The following PLA2G4D variants were observed in gnomAD, a reference collection of about 807,000 sequenced individuals.
The protein encoded by PLA2G4D is cytosolic phospholipase A2 delta.
PLA2G4D carries 80 observed loss-of-function variants against 94.4 expected under a neutral mutation model. The ratio of observed to expected loss-of-function variants is 0.85; its 90% CI spans 0.71 to 1.02. The LOEUF (loss-of-function observed/expected upper bound fraction) is 1.02, where lower values mean the gene tolerates loss of function less well. Ranked by LOEUF, PLA2G4D falls within the 50% of genes least tolerant of loss-of-function variation. The pLI is 0.00. For missense variants in PLA2G4D, 1,050 were observed against 1,034.7 expected (o/e 1.01, Z -0.20); for synonymous variants, 438 against 440.9 (o/e 0.99, Z 0.08).
Position 42,086,194 on chromosome 15 carries a change from T to TGGGGGGGGGGGGGGC in PLA2G4D, c.387+18_387+19insGCCCCCCCCCCCCCC. ...GGAAGAAGTGGGGCCCACGGGGACT[T>TGGGGGGGGGGGGGGC]CCCCACCCACCCACCCACCTGGGGA... On this transcript the variant is annotated intron_variant, in intron 4 of 19. Coordinates refer to ENST00000290472, the MANE Select transcript of PLA2G4D (RefSeq NM_178034.4). 105 of 1,370,336 alleles carry TGGGGGGGGGGGGGGC rather than the reference T, an allele frequency of 7.7e-5. No individual in the cohort carries two copies. The highest frequency in any genetic ancestry group is 8.8e-5 in the Non-Finnish European group (92 of 1,042,984). 84.9% of individuals were successfully genotyped at this position (1,370,336 alleles called of 1,614,324 possible). A position where few individuals can be genotyped will look rare whatever the true frequency, so the allele number is the denominator to read the frequency against.
intron 13 of PLA2G4D, among the ~76,000 whole-genome samples, chr15:42,075,600 C>T (rs1029003127): frequency 6.6e-6 from 1 of 152,144 alleles, no homozygotes; most frequent in African/African-American, 2.4e-5. Flanking sequence ...ATAATTACAA[C>T]AGCAGGCCAG....
chr15:42,071,354 C>G, intron 16 of PLA2G4D, 37 bp from the exon 17 acceptor site: 1 of 1,571,390 alleles, frequency 6.4e-7, no homozygotes, highest in East Asian at 2.3e-5. Context: ...CCCTTCTTCC[C>G]CTTACTTCTT....
chr15:42,088,674 G>A (rs906158247), intron 1 of PLA2G4D, among the ~76,000 whole-genome samples: 1 of 152,202 alleles, frequency 6.6e-6, no homozygotes, highest in Non-Finnish European at 1.5e-5. Context: ...CTGACCCCAA[G>A]GAAGGCTGTT....
At chr15:42,082,491 A>G in intron 8 of PLA2G4D, 102 bp from the exon 9 acceptor site, 1 of 673,888 alleles carries the variant, frequency 1.5e-6, no homozygotes, top group Non-Finnish European at 2.5e-6. Flanking sequence ...CTGATAATAC[A>G]GAATATTATA....
At chr15:42,085,431 G>A (rs1442996450) in intron 5 of PLA2G4D, 60 bp downstream of exon 5, 2 of 1,580,016 alleles carry the variant, frequency 1.3e-6, no homozygotes, top group African/African-American at 2.7e-5. Flanking sequence ...ATCTGGGTCA[G>A]GGCCATTTCC....
chr15:42,072,327 G>C lies in PLA2G4D; in HGVS notation c.1383C>G (p.Leu461=). The C allele has an allele frequency of 6.2e-7, 1 of 1,613,876 alleles. No individual in the cohort carries two copies. Among genetic ancestry groups the C allele is most frequent in the Non-Finnish European group, 8.5e-7 (1 of 1,179,992 alleles). The change falls in exon 14 of 20, where the codon CTC becomes CTG. Residue 461 remains leucine, a synonymous_variant. Transcript: ENST00000290472. ...TCTCTTTGACATTGAGGCTCAAGTA[G>C]AGGGGCAGAGGGTTCTGACCCCGTT... is the stretch of plus-strand genomic sequence containing the variant. ...ALERGQNPLP[L]YLSLNVKENN...
Position 42,081,104 on chromosome 15 carries a change from T to C in PLA2G4D, c.987A>G (p.Gly329=). Residue 329 remains glycine (G), a synonymous_variant, in exon 12 of 20, where the codon GGA becomes GGG. Transcript: ENST00000290472. ...GTGAGGTCATGGCCCGGGCACCTCC[T>C]CCTGTGGCCATGATGCCCACAACGG... ...EVPVVGIMAT[G]GGARAMTSLY... 6.2e-7 allele frequency: 1 copy of C among 1,614,124 alleles called. No individual in the cohort carries two copies. The highest frequency in any genetic ancestry group is 8.5e-7 in the Non-Finnish European group (1 of 1,180,000).
intron 17 of PLA2G4D, 85 bp downstream of exon 17, chr15:42,071,038 T>A: frequency 6.4e-7 from 1 of 1,558,394 alleles, no homozygotes; most frequent in East Asian, 2.3e-5. Context: ...AAGTGGATGC[T>A]GACCTCCTAG....
At chr15:42,086,833 T>G (rs1396095710) in intron 3 of PLA2G4D, among the ~76,000 whole-genome samples, 3 of 152,122 alleles carry the variant, frequency 2.0e-5, no homozygotes, top group African/African-American at 7.2e-5. Flanking sequence ...ACCTGGGCAA[T>G]AAGAGCAAGA....
At chr15:42,083,112 G>A in intron 8 of PLA2G4D, 86 bp downstream of exon 8, 1 of 1,523,066 alleles carries the variant, frequency 6.6e-7, no homozygotes, top group Non-Finnish European at 8.8e-7. Context: ...CTTGGCCCTG[G>A]TGGGCAGGGA....
intron 1 of PLA2G4D, among the ~76,000 whole-genome samples, chr15:42,088,877 G>T (rs1890200764): frequency 6.6e-6 from 1 of 152,126 alleles, no homozygotes; most frequent in African/African-American, 2.4e-5. Flanking sequence ...AGCATGGCAG[G>T]ACCCCCAGGA....
Position 42,068,219 on chromosome 15 carries a change from A to T in PLA2G4D, c.*496T>A, listed in dbSNP as rs1889721774. 1 of 153,074 alleles carries T rather than the reference A, an allele frequency of 6.5e-6. No individual in the cohort carries two copies. The allele number at this position is 153,074 out of a possible 1,614,324, so 9.5% of individuals were successfully genotyped here. A position where few individuals can be genotyped will look rare whatever the true frequency, so the allele number is the denominator to read the frequency against. On this transcript the variant is annotated 3_prime_UTR_variant, in exon 20 of 20. Coordinates refer to ENST00000290472, the MANE Select transcript of PLA2G4D (RefSeq NM_178034.4). ...ATAAAATATTTAGGAATAAATTTAA[A>T]CAAGTACAAGACTTGGATACGGAAA...
chr15:42,089,438 C>T (rs904436122), intron 1 of PLA2G4D, among the ~76,000 whole-genome samples: 3 of 152,236 alleles, frequency 2.0e-5, no homozygotes, highest in Non-Finnish European at 4.4e-5. Context: ...AACGTCCTAT[C>T]ATTCCAGGCA....
intron 1 of PLA2G4D, among the ~76,000 whole-genome samples, chr15:42,091,964 C>T (rs901506375): frequency 1.8e-4 from 28 of 152,210 alleles, no homozygotes; most frequent in Non-Finnish European, 1.5e-5. Context: ...GCCCCTTTTG[C>T]TTTGTATCCA....
rs1890104693 is a variant in PLA2G4D at position 42,084,624 on chromosome 15, C to T, written c.471+472G>A. 6.6e-6 allele frequency among the ~76,000 whole-genome samples: 1 copy of T among 151,212 alleles called. No individual in the cohort carries two copies. On this transcript the variant is annotated intron_variant, in intron 6 of 19. Transcript: ENST00000290472. This position sits in a 1 kb window ranked among gnomAD's most constrained non-coding sequence, Gnocchi z 4.8. ...CCGTGGTCAGGAGCGCTGACCAGGACTCTCCCCAGTCCCAAGGAGGAGCTA... is the reference window on the plus strand; with the variant it reads ...CCGTGGTCAGGAGCGCTGACCAGGATTCTCCCCAGTCCCAAGGAGGAGCTA...
intron 15 of PLA2G4D, 98 bp downstream of exon 15, chr15:42,071,676 C>CCGG: frequency 7.0e-7 from 1 of 1,421,780 alleles, no homozygotes; most frequent in Non-Finnish European, 9.8e-7. Context: ...ACCCCTCCCC[C>CCGG]TTGTCCTGAG....
chr15:42,069,810 G>A, intron 19 of PLA2G4D, 99 bp downstream of exon 19: 1 of 1,115,478 alleles, frequency 9.0e-7, no homozygotes, highest in Non-Finnish European at 1.2e-6. Context: ...GCCTTCTCCT[G>A]GCAGACTCAT....
intron 13 of PLA2G4D, among the ~76,000 whole-genome samples, chr15:42,075,135 G>C (rs4924615): frequency 6.6e-6 from 1 of 152,006 alleles, no homozygotes; most frequent in Non-Finnish European, 1.5e-5. Flanking sequence ...TGTTGTCCAG[G>C]TTCATTTTTA....
chr15:42,081,755 T>A, intron 10 of PLA2G4D, 42 bp downstream of exon 10: 1 of 1,614,030 alleles, frequency 6.2e-7, no homozygotes, highest in South Asian at 1.1e-5. Flanking sequence ...CCCTCCTGCA[T>A]GCCCGCCTCT....
Sources: allele counts gnomAD v4.1 joint callset (sites outside exome capture counted in the v4.1 genomes callset), GRCh38; gene constraint gnomAD v4.1.1; non-coding constraint Gnocchi (gnomAD v3.1); transcripts MANE v1.5; gene names NCBI Gene and HGNC (gene_info 2026-07-23, HGNC 2026-07-21).